CFAP92: variants seen among roughly 807,000 people sequenced by gnomAD.
CFAP92 encodes the protein cilia and flagella associated protein 92 (putative), also known as uncharacterized protein CFAP92.
A neutral mutation model predicts 106.3 loss-of-function variants in CFAP92; 86 were observed. The observed-to-expected ratio is 0.81, with a 90% CI of 0.68 to 0.97. The LOEUF is 0.97. Among genes scored for constraint, CFAP92 ranks in the 50% least tolerant of loss-of-function variants. The pLI, the probability that CFAP92 is intolerant of heterozygous loss-of-function variation, is 0.00. For synonymous variants in CFAP92, 477 were observed against 506.4 expected, an observed-to-expected ratio of 0.94 and a Z score of 0.78; for missense variants, 1,204 against 1,283.8, an observed-to-expected ratio of 0.94 and a Z score of 0.95.
In CFAP92 at chr3:128,975,787, C is replaced by T; in HGVS notation, c.1013G>A (p.Arg338Lys). The T allele has an allele frequency of 6.3e-7, 1 of 1,591,224 alleles. No individual in the cohort carries two copies. The highest frequency in any genetic ancestry group is 8.6e-7 in the Non-Finnish European group (1 of 1,169,476). The change falls in exon 7 of 16, where the codon AGG becomes AAG. Residue 338 changes from arginine to lysine, a missense_variant. Transcript: ENST00000645291. ...SSLTNILDRQ[R>K]SQIKGKDSEG... The stretch of plus-strand genomic sequence containing the variant: ...ATCCTATCCTAACTTACTTTGAGAC[C>T]TTTGTCTGTCTAATATGTTTGTTAA...
chr3:128,935,063 G>C (rs1395877486), intron 11 of CFAP92, 62 bp downstream of exon 11: 5 of 1,337,596 alleles, frequency 3.7e-6, no homozygotes, highest in Non-Finnish European at 5.0e-6. Context: ...TTTGGGTGCA[G>C]AGTGTTAAGA....
At chr3:128,961,174 C>T (rs1439726480) in intron 9 of CFAP92, among the ~76,000 whole-genome samples, 1 of 152,190 alleles carries the variant, frequency 6.6e-6, no homozygotes, top group Admixed American at 6.5e-5. Context: ...ATTTTTCCAT[C>T]CTGCAAGATC....
chr3:128,993,909 G>A (rs1944371116), intron 1 of CFAP92, 71 bp downstream of exon 1: 2 of 966,980 alleles, frequency 2.1e-6, no homozygotes, highest in East Asian at 1.1e-4. Flanking sequence ...AGGCGAGGCG[G>A]GAAGAGTCCC....
chr3:128,980,477 G>A (rs1943461829), intron 4 of CFAP92, among the ~76,000 whole-genome samples: 2 of 152,008 alleles, frequency 1.3e-5, no homozygotes, highest in Admixed American at 1.3e-4. Flanking sequence ...TCAGGATGGT[G>A]GGTGCTGAGG....
intron 12 of CFAP92, among the ~76,000 whole-genome samples, chr3:128,920,244 T>C (rs1294629129): frequency 6.6e-6 from 1 of 152,064 alleles, no homozygotes; most frequent in African/African-American, 2.4e-5. Flanking sequence ...TTTCTACTAA[T>C]ATACAAAAAT....
At chr3:128,995,911 G>A (rs1490676012), upstream of CFAP92, among the ~76,000 whole-genome samples, 1 of 152,226 alleles carries the variant, frequency 6.6e-6, no homozygotes, top group Non-Finnish European at 1.5e-5. Flanking sequence ...GGCATTGTGA[G>A]GTTCACATTC....
At position 128,910,299 on chromosome 3, in the gene CFAP92, T is replaced by C; in HGVS notation, c.3315A>G (p.Ter1105TrpextTer44). The stretch of plus-strand genomic sequence containing the variant: ...GTGGCCGTGGGAGGGTCTGTGCTGC[T>C]CAGGAGATGGGGCTGTTCCCTTTCT... The part of the protein sequence containing the change: ...RKKKGNSPIS[*>W] The change falls in exon 16 of 16, where the codon TGA becomes TGG. Residue 1105 changes from the stop codon to tryptophan, a stop_lost. Coordinates refer to ENST00000645291, the MANE Select transcript of CFAP92 (RefSeq NM_001394090.1). 1.3e-6 allele frequency: 2 copies of C among 1,502,416 alleles called. No homozygotes were observed. The highest frequency in any genetic ancestry group is 1.8e-6 in the Non-Finnish European group (2 of 1,127,176). 93.1% of individuals were successfully genotyped at this position (1,502,416 alleles called of 1,614,324 possible).
chr3:129,009,658 C>T, the CFAP92 span, among the ~76,000 whole-genome samples: 3 of 152,196 alleles, frequency 2.0e-5, no homozygotes, highest in Non-Finnish European at 4.4e-5. Flanking sequence ...GGGCACTGTA[C>T]CCCAGACACA....
chr3:128,973,728 G>C (rs1942971503), intron 7 of CFAP92, among the ~76,000 whole-genome samples: 1 of 151,956 alleles, frequency 6.6e-6, no homozygotes, highest in Non-Finnish European at 1.5e-5. Context: ...ATGGGGTCGA[G>C]GCTCACAGCC....
rs1456552398 is a variant in CFAP92, at chr3:128,987,830, C to T, written c.454-1G>A. The T allele has an allele frequency of 2.5e-6, 4 of 1,599,082 alleles. No individual in the cohort carries two copies. The South Asian group carries it at 3.4e-5, about 13-fold the overall frequency. Reference sequence around the variant, plus strand: ...CACCTTCGTGCCACGGCTTCACAGTCTGTGTAAAACAACATTCAGAGATGT... The same window carrying T: ...CACCTTCGTGCCACGGCTTCACAGTTTGTGTAAAACAACATTCAGAGATGT... On this transcript the variant is annotated splice_acceptor_variant, in intron 3 of 15. Coordinates refer to ENST00000645291, the MANE Select transcript of CFAP92 (RefSeq NM_001394090.1). LOFTEE classifies it high-confidence loss of function.
intron 9 of CFAP92, among the ~76,000 whole-genome samples, chr3:128,964,376 G>GA (rs1942199307): frequency 6.6e-6 from 1 of 152,070 alleles, no homozygotes; most frequent in African/African-American, 2.4e-5. Flanking sequence ...CTGAGACTGT[G>GA]CCCCCAAAAA....
At chr3:128,972,367 G>A (rs1942864293) in intron 7 of CFAP92, among the ~76,000 whole-genome samples, 1 of 151,592 alleles carries the variant, frequency 6.6e-6, no homozygotes, top group African/African-American at 2.4e-5. Context: ...TTAGACTCCT[G>A]AGTAGCTGGG....
intron 9 of CFAP92, among the ~76,000 whole-genome samples, chr3:128,947,238 A>G (rs1940315425): frequency 6.6e-6 from 1 of 152,206 alleles, no homozygotes; most frequent in Non-Finnish European, 1.5e-5. Flanking sequence ...ATGAAAAAAA[A>G]AAAAGATGTA....
chr3:128,923,443 G>A (rs1407776571), intron 12 of CFAP92, among the ~76,000 whole-genome samples: 1 of 152,212 alleles, frequency 6.6e-6, no homozygotes, highest in Non-Finnish European at 1.5e-5. Flanking sequence ...AATGCTTTCT[G>A]ACTGAGCTCC....
chr3:128,911,275 C>G lies in CFAP92; in HGVS notation c.3281-942G>C, dbSNP rs149990756. On this transcript the variant is annotated intron_variant, in intron 15 of 15. Coordinates refer to ENST00000645291, the MANE Select transcript of CFAP92 (RefSeq NM_001394090.1). ...GTTTCACCATGTTAGCCAGGCTGGTCTCCAACTCCTGACCTCAGGTGATCT... is the reference window on the plus strand; with the variant it reads ...GTTTCACCATGTTAGCCAGGCTGGTGTCCAACTCCTGACCTCAGGTGATCT... Among the ~76,000 whole-genome samples the G allele has an allele frequency of 1.0e-2, 1,520 of 152,230 alleles. 8 individuals are homozygous for G. Among genetic ancestry groups the G allele is most frequent in the South Asian group, 0.02 (97 of 4,818 alleles).
intron 12 of CFAP92, among the ~76,000 whole-genome samples, chr3:128,928,122 G>A (rs62265279): frequency 0.048 from 7,276 of 152,114 alleles, 356 homozygotes; most frequent in African/African-American, 0.12. Flanking sequence ...GAGTGGTGGC[G>A]GGTATGTGTA....
intron 10 of CFAP92, among the ~76,000 whole-genome samples, chr3:128,943,006 A>G (rs1010334096): frequency 1.6e-4 from 19 of 120,880 alleles, no homozygotes; most frequent in African/African-American, 1.3e-4. Flanking sequence ...TGCAACCTCC[A>G]CCTCCTGGGT....
the CFAP92 span, among the ~76,000 whole-genome samples, chr3:129,010,522 G>A: frequency 1.3e-5 from 2 of 152,264 alleles, no homozygotes; most frequent in South Asian, 2.1e-4. This position sits in a 1 kb window ranked among gnomAD's most constrained non-coding sequence, Gnocchi z 4.3. Context: ...GGGTGGGAGA[G>A]GGAGGGAGGA....
At chr3:128,922,065 C>T (rs1165521484) in intron 12 of CFAP92, among the ~76,000 whole-genome samples, 9 of 152,136 alleles carry the variant, frequency 5.9e-5, no homozygotes, top group East Asian at 3.9e-4. Context: ...GTTTGCTGGG[C>T]GCGGTGGCTC....
Sources: allele counts gnomAD v4.1 joint callset (sites outside exome capture counted in the v4.1 genomes callset), GRCh38; gene constraint gnomAD v4.1.1; non-coding constraint Gnocchi (gnomAD v3.1); transcripts MANE v1.5; gene names NCBI Gene and HGNC (gene_info 2026-07-23, HGNC 2026-07-21).